LANCL3: variants seen among roughly 807,000 people sequenced by gnomAD.
LANCL3 encodes the protein LanC like family member 3, also known as lanC-like protein 3.
Under a neutral mutation model 26.5 loss-of-function variants are expected in LANCL3, and 19 were observed. That is an observed-to-expected ratio of 0.72 (90% CI 0.50 to 1.05). LANCL3 has a LOEUF of 1.05. LANCL3 is among the 50% of genes least tolerant of loss of function. The pLI is 0.00. For missense variants in LANCL3, 318 were observed against 362.7 expected (o/e 0.88, Z 1.00); for synonymous variants, 160 against 166.6 (o/e 0.96, Z 0.30).
chrX:37,675,474 TAC>T (rs1220800019), intron 4 of LANCL3, among the ~76,000 whole-genome samples, 178 bp from the exon 5 acceptor site: 1 of 112,379 alleles, frequency 8.9e-6, no homozygotes, highest in Non-Finnish European at 1.9e-5. Flanking sequence ...TTGTGAAACA[TAC>T]ACAGTTATAT....
chrX:37,598,534 C>T (rs1556419702), intron 1 of LANCL3, among the ~76,000 whole-genome samples: 1 of 112,033 alleles, frequency 8.9e-6, no homozygotes, highest in East Asian at 2.8e-4. Flanking sequence ...AAATCACTGT[C>T]AATCAAAATG....
Position 37,659,505 on chromosome X carries a change from T to C in LANCL3, c.741T>C (p.Ser247=), listed in dbSNP as rs1373585798. The change falls in exon 3 of 5, where the codon TCT becomes TCC. Residue 247 remains serine, a synonymous_variant. Transcript: ENST00000378619. The part of the protein sequence containing the change: ...GLSSILQMLL[S]YHEHLKPSDR... ...CGTCTATTCTTCAGATGCTTCTTTC[T>C]TACCATGAGCATCTCAAGCCCTCAG... 2 of 1,209,010 alleles carry C rather than the reference T, an allele frequency of 1.7e-6. No individual in the cohort carries two copies. The highest frequency in any genetic ancestry group is 2.2e-6 in the Non-Finnish European group (2 of 894,673).
chrX:37,598,604 C>G (rs1351918651), intron 1 of LANCL3, among the ~76,000 whole-genome samples: 2 of 112,371 alleles, frequency 1.8e-5, no homozygotes, highest in Non-Finnish European at 3.8e-5. Flanking sequence ...TATAACTTAT[C>G]TTTTAAAGTT....
At position 37,667,477 on chromosome X, in the gene LANCL3, A is replaced by G. The variant is rs782425001; in HGVS notation, c.1091A>G (p.Tyr364Cys). 1.7e-6 allele frequency: 2 copies of G among 1,150,690 alleles called. No homozygotes were observed. Among genetic ancestry groups the G allele is most frequent in the African/African-American group, 3.8e-5 (2 of 52,114 alleles). The allele number at this position is 1,150,690 out of a possible 1,213,427, so 94.8% of individuals were successfully genotyped here. A position where few individuals can be genotyped will look rare whatever the true frequency, so the allele number is the denominator to read the frequency against. Reference protein sequence around the residue: ...YRLTGNSKYIYRAQRFAQFLF... With the variant: ...YRLTGNSKYICRAQRFAQFLF... ...CTCACGGGAAACTCTAAATACATCTACCGAGCTCAAAGGTCAGCTGTTCTT... is the reference window on the plus strand; with the variant it reads ...CTCACGGGAAACTCTAAATACATCTGCCGAGCTCAAAGGTCAGCTGTTCTT... Residue 364 changes from tyrosine to cysteine, a missense_variant, in exon 4 of 5, where the codon TAC becomes TGC. Transcript: ENST00000378619.
At chrX:37,613,562 G>T (rs1924935250) in intron 1 of LANCL3, among the ~76,000 whole-genome samples, 2 of 111,588 alleles carry the variant, frequency 1.8e-5, no homozygotes, top group Middle Eastern at 4.6e-3. Flanking sequence ...GCCCATACAG[G>T]ACCTCCTCCA....
At chrX:37,578,870 C>T (rs1923818496) in intron 1 of LANCL3, among the ~76,000 whole-genome samples, 2 of 107,318 alleles carry the variant, frequency 1.9e-5, no homozygotes, top group Admixed American at 2.0e-4. Flanking sequence ...ATCCTAGCTA[C>T]TCAGGAGGCT....
intron 1 of LANCL3, among the ~76,000 whole-genome samples, chrX:37,584,117 C>T (rs1388275917): frequency 9.0e-6 from 1 of 111,443 alleles, no homozygotes; most frequent in African/African-American, 3.3e-5. Flanking sequence ...TGCTGGATTA[C>T]GTTTATTGAT....
intron 1 of LANCL3, among the ~76,000 whole-genome samples, chrX:37,649,036 GAT>G (rs1183119426): frequency 9.0e-6 from 1 of 111,655 alleles, no homozygotes; most frequent in Non-Finnish European, 1.9e-5. Context: ...CATTGTGTAA[GAT>G]AGTATGGTGA....
At chrX:37,651,903 A>G (rs1926156000) in intron 1 of LANCL3, among the ~76,000 whole-genome samples, 1 of 109,623 alleles carries the variant, frequency 9.1e-6, no homozygotes, top group South Asian at 3.9e-4. Flanking sequence ...TTTCACTCTC[A>G]CTGCTGGGTG....
chrX:37,633,342 C>T (rs1925594323), intron 1 of LANCL3, among the ~76,000 whole-genome samples: 2 of 111,017 alleles, frequency 1.8e-5, no homozygotes, highest in Non-Finnish European at 3.8e-5. Context: ...AAATTTTTTT[C>T]AAAGTTTTTA....
chrX:37,654,971 C>G (rs1189445806), intron 1 of LANCL3, among the ~76,000 whole-genome samples: 1 of 112,392 alleles, frequency 8.9e-6, no homozygotes, highest in Non-Finnish European at 1.9e-5. Context: ...ATATGGCTAA[C>G]CTGAGCAGAA....
intron 1 of LANCL3, among the ~76,000 whole-genome samples, chrX:37,600,393 A>C (rs899004763): frequency 8.9e-6 from 1 of 111,989 alleles, no homozygotes; most frequent in Non-Finnish European, 1.9e-5. Context: ...TGTATCCCCT[A>C]TGGATAAGGA....
At chrX:37,615,519 A>AT (rs1341167826) in intron 1 of LANCL3, among the ~76,000 whole-genome samples, 1 of 112,188 alleles carries the variant, frequency 8.9e-6, no homozygotes, top group African/African-American at 3.2e-5. Flanking sequence ...GTAAATGGCT[A>AT]TTGAATGATA....
chrX:37,585,553 C>A (rs189027394), intron 1 of LANCL3, among the ~76,000 whole-genome samples: 119 of 111,894 alleles, frequency 1.1e-3, no homozygotes, highest in Non-Finnish European at 2.0e-3. Context: ...TTATGTAATG[C>A]CTTTCTTTGT....
At chrX:37,602,522 A>C (rs955817903) in intron 1 of LANCL3, among the ~76,000 whole-genome samples, 1 of 111,431 alleles carries the variant, frequency 9.0e-6, no homozygotes, top group African/African-American at 3.3e-5. Context: ...TCTTTAAAAA[A>C]TTTTCTTTAG....
At chrX:37,585,657 C>T (rs1213747363) in intron 1 of LANCL3, among the ~76,000 whole-genome samples, 8 of 111,372 alleles carry the variant, frequency 7.2e-5, no homozygotes, top group Non-Finnish European at 1.1e-4. Flanking sequence ...TGGTAGATCT[C>T]CCTCCATCCC....
At position 37,682,248 on chromosome X, in the gene LANCL3, G is replaced by T. The variant is rs1305724297; in HGVS notation, c.*6435G>T. 3.7e-5 allele frequency: 4 copies of T among 106,671 alleles called. No individual in the cohort carries two copies. Among genetic ancestry groups the T allele is most frequent in the African/African-American group, 1.4e-4 (4 of 29,376 alleles). The allele number at this position is 106,671 out of a possible 1,213,427, so 8.8% of individuals were successfully genotyped here. ...CTCCCAAGTAGCTGGGACTACAGGC[G>T]CCCGCCACTACGCCCGGCTAATTTT... On this transcript the variant is annotated 3_prime_UTR_variant, in exon 5 of 5. Transcript: ENST00000378619.
rs782046958 is a variant in LANCL3 at position 37,628,923 on chromosome X, G to T, written c.574-26765G>T. Among the ~76,000 whole-genome samples, 295 of 110,393 alleles carry T rather than the reference G, an allele frequency of 2.7e-3. 1 individual carries two copies. Among genetic ancestry groups the T allele is most frequent in the African/African-American group, 9.2e-3 (278 of 30,289 alleles). ...CAATAAACATACGTGTGCATGTGTCGTTATAGCAGCATGATTTATAGTCCT... is the reference window on the plus strand; with the variant it reads ...CAATAAACATACGTGTGCATGTGTCTTTATAGCAGCATGATTTATAGTCCT... On this transcript the variant is annotated intron_variant, in intron 1 of 4. Coordinates refer to ENST00000378619, the MANE Select transcript of LANCL3 (RefSeq NM_001170331.2).
intron 1 of LANCL3, among the ~76,000 whole-genome samples, chrX:37,655,285 A>T (rs1556430430): frequency 9.0e-6 from 1 of 110,696 alleles, no homozygotes; most frequent in African/African-American, 3.3e-5. Context: ...TGAAGGTCTG[A>T]TGTTTGGGCC....
Sources: gnomAD v4.1 joint callset for allele counts (sites outside exome capture counted in the v4.1 genomes callset) on GRCh38, gnomAD v4.1.1 for gene constraint, MANE v1.5 for transcripts, NCBI Gene and HGNC (gene_info 2026-07-23, HGNC 2026-07-21) for gene names.